Variants in KIF26B observed in about 807,000 individuals in gnomAD.
KIF26B encodes the protein kinesin-like protein KIF26B.
In KIF26B, 63 loss-of-function variants were observed where a neutral mutation model predicts 151.2. That is an observed-to-expected ratio of 0.42 (90% CI 0.34 to 0.51). KIF26B has a LOEUF of 0.51. Ranked by LOEUF, KIF26B falls within the 20% of genes least tolerant of loss-of-function variation. The probability of loss-of-function intolerance (pLI) is 0.07; values close to 1 mark genes in which losing one functional copy is unlikely to be tolerated. For synonymous variants in KIF26B, 1,357 were observed against 1,262.1 expected, an observed-to-expected ratio of 1.08 and a Z score of -1.59; for missense variants, 2,813 against 2,913.6, an observed-to-expected ratio of 0.97 and a Z score of 0.79.
rs2044791772 is a variant in KIF26B, at chr1:245,702,915, G to A, written c.*309G>A. The A allele has an allele frequency of 3.3e-6, 1 of 303,378 alleles. No individual in the cohort carries two copies. The highest frequency in any genetic ancestry group is 6.0e-6 in the Non-Finnish European group (1 of 165,810). 18.8% of individuals were successfully genotyped at this position (303,378 alleles called of 1,614,324 possible). On this transcript the variant is annotated 3_prime_UTR_variant, in exon 15 of 15. Coordinates refer to ENST00000407071, the MANE Select transcript of KIF26B (RefSeq NM_018012.4). The surrounding 1 kb of genome is among the most constrained non-coding windows in gnomAD (Gnocchi z 4.1). ...GTACATAAGAACTGCTAGCAAAAGAGACCTCACTCTTCTCTTGCTTTCGTG... is the reference window on the plus strand; with the variant it reads ...GTACATAAGAACTGCTAGCAAAAGAAACCTCACTCTTCTCTTGCTTTCGTG...
chr1:245,156,298 C>T lies in KIF26B; in HGVS notation c.80C>T (p.Ser27Leu), dbSNP rs917532520. 11 of 1,547,212 alleles carry T rather than the reference C, an allele frequency of 7.1e-6. No individual in the cohort carries two copies. In the African/African-American group the frequency reaches 9.7e-5, roughly 14 times the overall value. ...TCCCCGCAGGTGAATGAAGTCTGCT[C>T]GCCCACCAAGCCCGCAGCGCCCTTC... is the stretch of plus-strand genomic sequence containing the variant. Reference protein sequence around the residue: ...GKKYGVNEVCSPTKPAAPFSP... With the variant: ...GKKYGVNEVCLPTKPAAPFSP... Residue 27 changes from serine to leucine, a missense_variant, in exon 2 of 15, where the codon TCG becomes TTG. Physicochemically the swap from Ser to Leu is moderately radical, Grantham distance 145 (BLOSUM62 -2). Coordinates refer to ENST00000407071, the MANE Select transcript of KIF26B (RefSeq NM_018012.4).
chr1:245,605,127 C>T (rs759745990), intron 6 of KIF26B, among the ~76,000 whole-genome samples: 2 of 152,166 alleles, frequency 1.3e-5, no homozygotes, highest in South Asian at 2.1e-4. Context: ...AGTGTCCTTC[C>T]TCATCTGTCA....
At position 245,326,056 on chromosome 1, in the gene KIF26B, C is replaced by T. The variant is rs568215858; in HGVS notation, c.466-40778C>T. On this transcript the variant is annotated intron_variant, in intron 2 of 14. Transcript: ENST00000407071. ...GCAGGGACTCAGAACTCCACTCCCC[C>T]TACTCAGACGGGCAATCATGTCACA... 2.6e-5 allele frequency among the ~76,000 whole-genome samples: 4 copies of T among 152,302 alleles called. No homozygotes were observed. In the East Asian group the frequency reaches 7.7e-4, roughly 29 times the overall value.
chr1:245,184,050 G>GTGTTTTTTTTTTTTTTTTTTTTTTTTTTT (rs1668954019), intron 2 of KIF26B, among the ~76,000 whole-genome samples: 1 of 19,804 alleles, frequency 5.0e-5, no homozygotes, highest in East Asian at 1.7e-3. Context: ...GGGAGTTGTT[G>GTGTTTTTTTTTTTTTTTTTTTTTTTTTTT]TTTTTTTTTT....
In KIF26B at chr1:245,374,059, CAAAAA is replaced by C. The variant is rs1172397969; in HGVS notation, c.999+6724_999+6728del. 1.8e-3 allele frequency among the ~76,000 whole-genome samples: 31 copies of C among 17,482 alleles called. 2 individuals are homozygous for C. The highest frequency in any genetic ancestry group is 1.7e-3 in the African/African-American group (9 of 5,170). The allele number at this position is 17,482 out of a possible 152,430, so 11.5% of individuals were successfully genotyped here. On this transcript the variant is annotated intron_variant, in intron 3 of 14. Transcript: ENST00000407071. ...GTGACAGAGACCCGAGAACCTATCTCAAAAAAAAAAAAAAAAAAAAAAAAAAAAAA... is the reference window on the plus strand; with the variant it reads ...GTGACAGAGACCCGAGAACCTATCTCAAAAAAAAAAAAAAAAAAAAAAAAA...
At chr1:245,437,255 C>T (rs568237514) in intron 4 of KIF26B, among the ~76,000 whole-genome samples, 28 of 152,288 alleles carry the variant, frequency 1.8e-4, no homozygotes, top group African/African-American at 5.8e-4. Context: ...GTGGCACTCA[C>T]CCATTCTCTC....
rs139041389 is a variant in KIF26B at position 245,464,921 on chromosome 1, G to A, written c.1166+45176G>A. 3.0e-3 allele frequency among the ~76,000 whole-genome samples: 463 copies of A among 152,226 alleles called. 1 individual carries two copies. The highest frequency in any genetic ancestry group is 0.011 in the African/African-American group (441 of 41,532). On this transcript the variant is annotated intron_variant, in intron 4 of 14. Transcript: ENST00000407071. The stretch of plus-strand genomic sequence containing the variant: ...CGGGGTTCGAATGCACAGGAGCCAC[G>A]TGGACACTGCTGCAGGCTGCCCGGG...
At chr1:245,427,386 A>G (rs559391891) in intron 4 of KIF26B, among the ~76,000 whole-genome samples, 109 of 152,304 alleles carry the variant, frequency 7.2e-4, no homozygotes, top group African/African-American at 2.1e-3. Context: ...GGCAGGCAGG[A>G]TCACCTGAGG....
rs756530706 is a variant in KIF26B at position 245,688,773 on chromosome 1, G to C, written c.5790G>C (p.Arg1930=). ...ENSSSVGGRC[R]SLKTPKKRSN... ...GCAGCTCCGTGGGCGGCAGGTGCCG[G>C]AGCCTCAAGACCCCGAAGAAACGCT... The change falls in exon 12 of 15, where the codon CGG becomes CGC. Residue 1930 remains arginine (R), a synonymous_variant. Coordinates refer to ENST00000407071, the MANE Select transcript of KIF26B (RefSeq NM_018012.4). 3 of 1,597,322 alleles carry C rather than the reference G, an allele frequency of 1.9e-6. No individual in the cohort carries two copies. Among genetic ancestry groups the C allele is most frequent in the Admixed American group, 1.7e-5 (1 of 59,258 alleles).
chr1:245,666,695 A>G (rs1278028902), intron 10 of KIF26B, among the ~76,000 whole-genome samples: 1 of 151,972 alleles, frequency 6.6e-6, no homozygotes, highest in Non-Finnish European at 1.5e-5. Flanking sequence ...CCCTTTTTGA[A>G]ACACCTTTTT....
At chr1:245,581,879 T>G (rs1268844600) in intron 5 of KIF26B, among the ~76,000 whole-genome samples, 1 of 149,334 alleles carries the variant, frequency 6.7e-6, no homozygotes, top group Non-Finnish European at 1.5e-5. Flanking sequence ...ATTGGGCCAC[T>G]GCACTCCAGC....
chr1:245,587,815 G>A (rs1364715660), intron 5 of KIF26B, among the ~76,000 whole-genome samples: 1 of 152,158 alleles, frequency 6.6e-6, no homozygotes, highest in Non-Finnish European at 1.5e-5. Context: ...TCTGGTCTTG[G>A]AGGAAAGCTG....
chr1:245,637,913 T>C (rs1282576886), intron 9 of KIF26B, among the ~76,000 whole-genome samples: 1 of 152,050 alleles, frequency 6.6e-6, no homozygotes, highest in Non-Finnish European at 1.5e-5. Context: ...TAGCTTGTAG[T>C]ATAATTTGAA....
chr1:245,411,654 A>G (rs1336987319), intron 3 of KIF26B, among the ~76,000 whole-genome samples: 2 of 152,196 alleles, frequency 1.3e-5, no homozygotes, highest in Non-Finnish European at 2.9e-5. Context: ...GTGGGGTGAC[A>G]AAGTGACATC....
intron 3 of KIF26B, among the ~76,000 whole-genome samples, chr1:245,373,232 C>G (rs1238579397): frequency 6.6e-6 from 1 of 152,200 alleles, no homozygotes; most frequent in Non-Finnish European, 1.5e-5. Flanking sequence ...CAGGGATGCA[C>G]TACAATTACT....
rs1440046570 is a variant in KIF26B at position 245,586,199 on chromosome 1, T to TG, written c.1351-16378_1351-16377insG. On this transcript the variant is annotated intron_variant, in intron 5 of 14. Coordinates refer to ENST00000407071, the MANE Select transcript of KIF26B (RefSeq NM_018012.4). Reference sequence around the variant, plus strand: ...TGTGTGTGTGTGTGTGTGTGTGTGTTTGTTTTAATAGAGACGGGGTCTTGC... The same window carrying TG: ...TGTGTGTGTGTGTGTGTGTGTGTGTTGTGTTTTAATAGAGACGGGGTCTTGC... 4.5e-3 allele frequency among the ~76,000 whole-genome samples: 540 copies of TG among 118,762 alleles called. 7 individuals are homozygous for TG. The highest frequency in any genetic ancestry group is 0.017 in the African/African-American group (505 of 29,382). 77.9% of individuals were successfully genotyped at this position (118,762 alleles called of 152,430 possible).
chr1:245,512,806 G>A lies in KIF26B; in HGVS notation c.1167-27961G>A, dbSNP rs1195330833. 1.3e-5 allele frequency among the ~76,000 whole-genome samples: 2 copies of A among 152,136 alleles called. No homozygotes were observed. Among genetic ancestry groups the A allele is most frequent in the African/African-American group, 4.8e-5 (2 of 41,418 alleles). On this transcript the variant is annotated intron_variant, in intron 4 of 14. Transcript: ENST00000407071. This position sits in a 1 kb window ranked among gnomAD's most constrained non-coding sequence, Gnocchi z 4.3. Reference sequence around the variant, plus strand: ...TTTGTTTTGGTTTCTTGTTTATGTGGACTCTGTTAGACTCCTGCATCTGGA... The same window carrying A: ...TTTGTTTTGGTTTCTTGTTTATGTGAACTCTGTTAGACTCCTGCATCTGGA...
intron 3 of KIF26B, among the ~76,000 whole-genome samples, chr1:245,417,128 C>A (rs962850293): frequency 6.6e-6 from 1 of 151,924 alleles, no homozygotes; most frequent in South Asian, 2.1e-4. Context: ...GGAAAGGCAG[C>A]GTGACTAGGA....
intron 3 of KIF26B, among the ~76,000 whole-genome samples, chr1:245,417,388 G>T (rs2103034920): frequency 6.6e-6 from 1 of 152,184 alleles, no homozygotes; most frequent in Middle Eastern, 3.4e-3. Flanking sequence ...CCTATTCCTA[G>T]ATACAAATTG....
Sources: allele counts gnomAD v4.1 joint callset (sites outside exome capture counted in the v4.1 genomes callset), GRCh38; gene constraint gnomAD v4.1.1; non-coding constraint Gnocchi (gnomAD v3.1); transcripts MANE v1.5; gene names NCBI Gene and HGNC (gene_info 2026-07-23, HGNC 2026-07-21).